Variants in DYM observed in about 807,000 individuals in gnomAD.
DYM encodes dyggve-Melchior-Clausen syndrome protein.
Under a neutral mutation model 93.1 loss-of-function variants are expected in DYM, and 78 were observed. The observed-to-expected ratio is 0.84, with a 90% CI of 0.70 to 1.01. DYM has a LOEUF of 1.01. DYM is among the 50% of genes least tolerant of loss of function. DYM has a pLI of 0.00. For synonymous variants in DYM, 321 were observed against 319.7 expected, an observed-to-expected ratio of 1.00 and a Z score of -0.04; for missense variants, 789 against 845.0, an observed-to-expected ratio of 0.93 and a Z score of 0.82.
In DYM at chr18:49,241,366, G is replaced by C. The variant is rs530557783; in HGVS notation, c.1460+15644C>G. 4.6e-5 allele frequency among the ~76,000 whole-genome samples: 7 copies of C among 152,310 alleles called. No homozygotes were observed. In the South Asian group the frequency reaches 1.5e-3, roughly 32 times the overall value. The stretch of plus-strand genomic sequence containing the variant: ...TTCAGCTCCACACTATTAGCTACAT[G>C]ACCTTGGCTAAGTTTCAGTCTGAGT... On this transcript the variant is annotated intron_variant, in intron 13 of 17. Coordinates refer to ENST00000675505, the MANE Select transcript of DYM (RefSeq NM_001353214.3).
At chr18:49,386,969 A>T (rs1224422232) in intron 3 of DYM, among the ~76,000 whole-genome samples, 1 of 147,872 alleles carries the variant, frequency 6.8e-6, no homozygotes, top group African/African-American at 2.5e-5. Context: ...TTTGAAACAG[A>T]GTCTCACTCT....
intron 14 of DYM, among the ~76,000 whole-genome samples, chr18:49,181,295 T>C (rs562311730): frequency 8.5e-4 from 130 of 152,330 alleles, no homozygotes; most frequent in African/African-American, 2.5e-3. Context: ...CTCAGAACTA[T>C]ATTTATATGC....
chr18:49,038,100 C>G lies in DYM; in HGVS notation c.*5955G>C, dbSNP rs2070771131. Among the ~76,000 whole-genome samples the G allele has an allele frequency of 6.6e-6, 1 of 152,202 alleles. No homozygotes were observed. Among genetic ancestry groups the G allele is most frequent in the Non-Finnish European group, 1.5e-5 (1 of 68,034 alleles). Reference sequence around the variant, plus strand: ...TTGGCCTCTCAAAGTGCTAGTATTACAGATGTGAGCCACTGTGCCTAGCCT... The same window carrying G: ...TTGGCCTCTCAAAGTGCTAGTATTAGAGATGTGAGCCACTGTGCCTAGCCT... On this transcript the variant is annotated 3_prime_UTR_variant, in exon 18 of 18. Coordinates refer to ENST00000675505, the MANE Select transcript of DYM (RefSeq NM_001353214.3).
intron 6 of DYM, among the ~76,000 whole-genome samples, chr18:49,352,132 G>A (rs531020497): frequency 6.6e-6 from 1 of 152,342 alleles, no homozygotes; most frequent in South Asian, 2.1e-4. Flanking sequence ...GACCATATGT[G>A]ATACGATACA....
intron 12 of DYM, 41 bp downstream of exon 12, chr18:49,258,339 A>G: frequency 7.4e-7 from 1 of 1,354,472 alleles, no homozygotes; most frequent in Non-Finnish European, 1.1e-6. Context: ...TCTTAATTGT[A>G]CTGTATGCAA....
intron 17 of DYM, among the ~76,000 whole-genome samples, chr18:49,097,007 G>C (rs1445955454): frequency 6.6e-6 from 1 of 152,172 alleles, no homozygotes; most frequent in Admixed American, 6.5e-5. Context: ...GACTGAATGA[G>C]CTTGATATAA....
At chr18:49,307,171 C>T (rs188011510) in intron 8 of DYM, among the ~76,000 whole-genome samples, 6 of 152,044 alleles carry the variant, frequency 3.9e-5, no homozygotes, top group East Asian at 1.9e-4. Context: ...TATGTTATAT[C>T]GTAGTATGAG....
chr18:49,037,126 T>C lies in DYM; in HGVS notation c.*6929A>G, dbSNP rs2070733685. Among the ~76,000 whole-genome samples, 1 of 152,184 alleles carries C rather than the reference T, an allele frequency of 6.6e-6. No homozygotes were observed. Among genetic ancestry groups the C allele is most frequent in the Non-Finnish European group, 1.5e-5 (1 of 68,030 alleles). On this transcript the variant is annotated 3_prime_UTR_variant, in exon 18 of 18. Transcript: ENST00000675505. ...CATGTTGGCCAGGCTGGTCTTGAAC[T>C]CCTGACCTCAGGTGACTCCCAAAGT...
At chr18:49,339,548 C>T in intron 6 of DYM, among the ~76,000 whole-genome samples, 1 of 152,168 alleles carries the variant, frequency 6.6e-6, no homozygotes, top group East Asian at 1.9e-4. Context: ...CTCCAATCAA[C>T]AGCCAGTGAG....
At chr18:49,443,227 T>C (rs1377227044) in intron 1 of DYM, among the ~76,000 whole-genome samples, 1 of 152,214 alleles carries the variant, frequency 6.6e-6, no homozygotes, top group East Asian at 1.9e-4. Context: ...AAAGAAAATT[T>C]CAGTGTCAAT....
intron 8 of DYM, among the ~76,000 whole-genome samples, chr18:49,297,441 T>C (rs897317302): frequency 7.9e-5 from 12 of 152,272 alleles, no homozygotes; most frequent in Admixed American, 6.5e-4. Flanking sequence ...GATGAGAGTA[T>C]TGGAGAGAGG....
At chr18:49,416,009 G>A (rs75687458) in intron 2 of DYM, among the ~76,000 whole-genome samples, 12,102 of 151,482 alleles carry the variant, frequency 0.08, 756 homozygotes, top group East Asian at 0.31. Flanking sequence ...TTTTAAAACA[G>A]CAGAACAATT....
At chr18:49,379,281 T>C (rs2067812551) in intron 4 of DYM, among the ~76,000 whole-genome samples, 1 of 152,004 alleles carries the variant, frequency 6.6e-6, no homozygotes, top group Non-Finnish European at 1.5e-5. Flanking sequence ...CTTCCATTGA[T>C]GTAAAGAATA....
intron 14 of DYM, among the ~76,000 whole-genome samples, chr18:49,198,298 T>C (rs2091668708): frequency 6.6e-6 from 1 of 152,092 alleles, no homozygotes; most frequent in African/African-American, 2.4e-5. Flanking sequence ...ACCTAGGCAA[T>C]ACCATTCAGG....
chr18:49,135,757 T>A (rs371649156), intron 15 of DYM, among the ~76,000 whole-genome samples: 8 of 152,358 alleles, frequency 5.3e-5, no homozygotes, highest in African/African-American at 1.9e-4. Context: ...AATGAAATGC[T>A]CTAAGCTGTG....
intron 15 of DYM, among the ~76,000 whole-genome samples, chr18:49,129,942 A>G (rs1362213208): frequency 1.3e-5 from 2 of 152,216 alleles, no homozygotes; most frequent in East Asian, 1.9e-4. Flanking sequence ...GGACATAGAT[A>G]AAGATCCAAT....
At chr18:49,085,440 ATTC>A (rs1267446765) in intron 17 of DYM, among the ~76,000 whole-genome samples, 1 of 152,134 alleles carries the variant, frequency 6.6e-6, no homozygotes, top group Non-Finnish European at 1.5e-5. Flanking sequence ...AATAGTGGAT[ATTC>A]TTCAAGTGGG....
chr18:49,159,536 GAAAATA>G (rs1370406114), intron 15 of DYM, among the ~76,000 whole-genome samples: 1 of 152,208 alleles, frequency 6.6e-6, no homozygotes, highest in African/African-American at 2.4e-5. Flanking sequence ...ATGACTTGAT[GAAAATA>G]AATTTCATAT....
chr18:49,305,936 CCTTA>C (rs145150478), intron 8 of DYM, among the ~76,000 whole-genome samples: 256 of 152,316 alleles, frequency 1.7e-3, no homozygotes, highest in African/African-American at 5.3e-3. Flanking sequence ...TAAGTCCTCA[CCTTA>C]CTTAATCACT....
Sources: gnomAD v4.1 joint callset for allele counts (sites outside exome capture counted in the v4.1 genomes callset) on GRCh38, gnomAD v4.1.1 for gene constraint, MANE v1.5 for transcripts, NCBI Gene and HGNC (gene_info 2026-07-23, HGNC 2026-07-21) for gene names.